The following KIRREL3 variants were observed in gnomAD, a reference collection of about 807,000 sequenced individuals.
KIRREL3 encodes the protein kin of IRRE-like protein 3.
In KIRREL3, 36 loss-of-function variants were observed where a neutral mutation model predicts 89.7. The ratio of observed to expected loss-of-function variants is 0.40; its 90% CI spans 0.31 to 0.53. The LOEUF (loss-of-function observed/expected upper bound fraction) is 0.53, where lower values mean the gene tolerates loss of function less well. Ranked by LOEUF, KIRREL3 falls within the 20% of genes least tolerant of loss-of-function variation. The pLI is 0.49. For synonymous variants in KIRREL3, 445 were observed against 441.4 expected (o/e 1.01, Z -0.10); for missense variants, 864 against 1,056.6 (o/e 0.82, Z 2.53).
chr11:126,465,353 G>A (rs1285304100), intron 5 of KIRREL3, among the ~76,000 whole-genome samples: 1 of 152,160 alleles, frequency 6.6e-6, no homozygotes, highest in African/African-American at 2.4e-5. Flanking sequence ...GAACTTGCTG[G>A]GTGGAGCTAG....
At chr11:126,850,919 C>T (rs995293002) in intron 1 of KIRREL3, among the ~76,000 whole-genome samples, 1 of 152,160 alleles carries the variant, frequency 6.6e-6, no homozygotes, top group Non-Finnish European at 1.5e-5. Flanking sequence ...TAACAGTTAC[C>T]GGACAGGCCC....
chr11:126,895,725 C>T (rs1946128002), intron 1 of KIRREL3, among the ~76,000 whole-genome samples: 1 of 152,134 alleles, frequency 6.6e-6, no homozygotes, highest in Non-Finnish European at 1.5e-5. Context: ...TTGCATTCCC[C>T]AGCCTCTGGA....
chr11:126,909,717 C>T lies in KIRREL3; in HGVS notation c.55+90738G>A, dbSNP rs1000908982. Among the ~76,000 whole-genome samples the T allele has an allele frequency of 2.0e-5, 3 of 152,116 alleles. No homozygotes were observed. Among genetic ancestry groups the T allele is most frequent in the Non-Finnish European group, 4.4e-5 (3 of 68,024 alleles). On this transcript the variant is annotated intron_variant, in intron 1 of 16. Coordinates refer to ENST00000525144, the MANE Select transcript of KIRREL3 (RefSeq NM_032531.4). This position sits in a 1 kb window ranked among gnomAD's most constrained non-coding sequence, Gnocchi z 4.5. ...ACCCTAGGGGAGGCAGGATCTTGAC[C>T]TCAGAGATGACCTTTTGCCATCATT...
rs1948816463 is a variant in KIRREL3 at position 126,736,832 on chromosome 11, C to A, written c.56-173920G>T. ...AAGGCTGCTGGGAATCACCATACATCCCCCACAGTCCTCCCCCACCCTGTG... is the reference window on the plus strand; with the variant it reads ...AAGGCTGCTGGGAATCACCATACATACCCCACAGTCCTCCCCCACCCTGTG... On this transcript the variant is annotated intron_variant, in intron 1 of 16. Transcript: ENST00000525144. This position sits in a 1 kb window ranked among gnomAD's most constrained non-coding sequence, Gnocchi z 5.0. Among the ~76,000 whole-genome samples the A allele has an allele frequency of 6.6e-6, 1 of 152,132 alleles. No individual in the cohort carries two copies. Among genetic ancestry groups the A allele is most frequent in the Admixed American group, 6.5e-5 (1 of 15,284 alleles).
At chr11:126,819,477 C>T (rs889408797) in intron 1 of KIRREL3, among the ~76,000 whole-genome samples, 1 of 152,216 alleles carries the variant, frequency 6.6e-6, no homozygotes, top group South Asian at 2.1e-4. Flanking sequence ...GGAGGCTGCT[C>T]CTTCCTGCCA....
In KIRREL3 at chr11:126,720,711, G is replaced by A. The variant is rs889639772; in HGVS notation, c.56-157799C>T. ...AGGGCTGCAGGCACAAGCCAAGACT[G>A]TCCTAGGCAAACCAGTTATGATCAC... On this transcript the variant is annotated intron_variant, in intron 1 of 16. Transcript: ENST00000525144. Among the ~76,000 whole-genome samples, 65 of 152,206 alleles carry A rather than the reference G, an allele frequency of 4.3e-4. 1 individual carries two copies. Among genetic ancestry groups the A allele is most frequent in the Non-Finnish European group, 8.5e-4 (58 of 68,040 alleles).
chr11:126,939,912 G>A (rs1166258824), intron 1 of KIRREL3, among the ~76,000 whole-genome samples: 1 of 152,122 alleles, frequency 6.6e-6, no homozygotes, highest in East Asian at 1.9e-4. Flanking sequence ...GGTTCATACA[G>A]GGGCCTTGGG....
chr11:126,483,901 A>G (rs11823517), intron 4 of KIRREL3, among the ~76,000 whole-genome samples: 3,242 of 151,694 alleles, frequency 0.021, 121 homozygotes, highest in African/African-American at 0.07. Flanking sequence ...GGCTATTGTC[A>G]CCTCCTCCAC....
chr11:126,831,801 GA>G (rs1405999988), intron 1 of KIRREL3, among the ~76,000 whole-genome samples: 4 of 152,120 alleles, frequency 2.6e-5, no homozygotes, highest in Admixed American at 2.6e-4. Context: ...TAAATTTAGA[GA>G]AACAATTTGA....
In KIRREL3 at chr11:126,970,653, T is replaced by G. The variant is rs978902060; in HGVS notation, c.55+29802A>C. Among the ~76,000 whole-genome samples the G allele has an allele frequency of 1.3e-5, 2 of 152,226 alleles. No homozygotes were observed. The highest frequency in any genetic ancestry group is 4.8e-5 in the African/African-American group (2 of 41,466). On this transcript the variant is annotated intron_variant, in intron 1 of 16. Transcript: ENST00000525144. The surrounding 1 kb of genome is among the most constrained non-coding windows in gnomAD (Gnocchi z 4.4). ...GTTACCGAATTGCTAATGAATTTAC[T>G]AATGTTGTGATGGGATTTTTTCTAT...
chr11:126,944,202 T>A (rs1262278730), intron 1 of KIRREL3: 3 of 152,222 alleles, frequency 2.0e-5, no homozygotes, highest in Non-Finnish European at 2.9e-5. Context: ...CCTCATCAAG[T>A]CTAAGCATAG....
chr11:126,839,949 G>T (rs1943908318), intron 1 of KIRREL3, among the ~76,000 whole-genome samples: 1 of 152,196 alleles, frequency 6.6e-6, no homozygotes, highest in South Asian at 2.1e-4. Flanking sequence ...CGTACAGAGT[G>T]CATTCTATAC....
At chr11:126,919,375 G>A (rs1035646374) in intron 1 of KIRREL3, among the ~76,000 whole-genome samples, 2 of 152,194 alleles carry the variant, frequency 1.3e-5, no homozygotes, top group African/African-American at 4.8e-5. Context: ...AATCACTTCT[G>A]TTAAAGTAGC....
chr11:126,915,877 C>A (rs961907801), intron 1 of KIRREL3, among the ~76,000 whole-genome samples: 1 of 152,048 alleles, frequency 6.6e-6, no homozygotes, highest in African/African-American at 2.4e-5. Flanking sequence ...GTCACATAAC[C>A]ATTTGCAAAT....
chr11:126,887,459 G>A (rs1296889335), intron 1 of KIRREL3, among the ~76,000 whole-genome samples: 1 of 152,140 alleles, frequency 6.6e-6, no homozygotes, highest in East Asian at 1.9e-4. Context: ...CTTCTGTGCT[G>A]TTCTTTTTCC....
At chr11:126,457,301 GTGTA>G (rs1956392284) in intron 6 of KIRREL3, among the ~76,000 whole-genome samples, 1 of 151,666 alleles carries the variant, frequency 6.6e-6, no homozygotes, top group Non-Finnish European at 1.5e-5. Context: ...GTGTATGCGT[GTGTA>G]TGTCTCTGTG....
At position 126,969,937 on chromosome 11, in the gene KIRREL3, C is replaced by T. The variant is rs1439804842; in HGVS notation, c.55+30518G>A. On this transcript the variant is annotated intron_variant, in intron 1 of 16. Transcript: ENST00000525144. The surrounding 1 kb of genome is among the most constrained non-coding windows in gnomAD (Gnocchi z 4.9). ...GGGCTGGTAGTTAGTTCCAGCAAAA[C>T]CATTGAGGGGAAACAAAGGAAGTTT... Among the ~76,000 whole-genome samples the T allele has an allele frequency of 6.6e-6, 1 of 152,102 alleles. No homozygotes were observed. Among genetic ancestry groups the T allele is most frequent in the Non-Finnish European group, 1.5e-5 (1 of 68,024 alleles).
rs1238501894 is a variant in KIRREL3, at chr11:126,993,828, ATGTT to A, written c.55+6623_55+6626del. The stretch of plus-strand genomic sequence containing the variant: ...GGGAAAATGTGGAATAGTGACAGCG[ATGTT>A]TGTTTGTTATTGCTGCAACTCTTGG... On this transcript the variant is annotated intron_variant, in intron 1 of 16. Coordinates refer to ENST00000525144, the MANE Select transcript of KIRREL3 (RefSeq NM_032531.4). This position sits in a 1 kb window ranked among gnomAD's most constrained non-coding sequence, Gnocchi z 6.1. Among the ~76,000 whole-genome samples, 15 of 152,290 alleles carry A rather than the reference ATGTT, an allele frequency of 9.8e-5. No homozygotes were observed. The East Asian group carries it at 2.7e-3, about 27-fold the overall frequency.
rs989615893 is a variant in KIRREL3, at chr11:126,647,884, C to T, written c.56-84972G>A. On this transcript the variant is annotated intron_variant, in intron 1 of 16. Coordinates refer to ENST00000525144, the MANE Select transcript of KIRREL3 (RefSeq NM_032531.4). The surrounding 1 kb of genome is among the most constrained non-coding windows in gnomAD (Gnocchi z 4.9). ...CCTCTCCATGACTCATGGTGCTCTC[C>T]GGGGTCTGGCCTCGTTGTTACACTT... Among the ~76,000 whole-genome samples the T allele has an allele frequency of 1.1e-4, 16 of 152,186 alleles. No individual in the cohort carries two copies. Among genetic ancestry groups the T allele is most frequent in the African/African-American group, 2.4e-4 (10 of 41,454 alleles).
Sources: allele counts gnomAD v4.1 joint callset (sites outside exome capture counted in the v4.1 genomes callset), GRCh38; gene constraint gnomAD v4.1.1; non-coding constraint Gnocchi (gnomAD v3.1); transcripts MANE v1.5; gene names NCBI Gene and HGNC (gene_info 2026-07-23, HGNC 2026-07-21).